The following CORO1B variants were observed in gnomAD, a reference collection of about 807,000 sequenced individuals.
CORO1B encodes coronin 1B.
A neutral mutation model predicts 51.1 loss-of-function variants in CORO1B; 30 were observed. The observed-to-expected ratio is 0.59, with a 90% CI of 0.44 to 0.80. The LOEUF (loss-of-function observed/expected upper bound fraction) is 0.80. Among genes scored for constraint, CORO1B ranks in the 30% least tolerant of loss-of-function variants. The pLI is 0.00. For missense variants in CORO1B, 648 were observed against 700.4 expected (o/e 0.93, Z 0.84); for synonymous variants, 310 against 289.7 (o/e 1.07, Z -0.71).
In CORO1B at chr11:67,438,931, C is replaced by A. The variant is rs778181907; in HGVS notation, c.1084G>T (p.Asp362Tyr). ...VPRKSDLFQD[D>Y]LYPDTAGPEA... The stretch of plus-strand genomic sequence containing the variant: ...GGCCCGGCTGTGTCGGGGTACAGAT[C>A]ATCCTGGAAGAGGTCCGACTGGGCA... The change falls in exon 10 of 11, where the codon GAT (aspartate) becomes TAT (tyrosine). Residue 362 changes from aspartate (D) to tyrosine (Y), a missense_variant. Coordinates refer to ENST00000341356, the MANE Select transcript of CORO1B (RefSeq NM_020441.3). 2 of 1,607,232 alleles carry A rather than the reference C, an allele frequency of 1.2e-6. No homozygotes were observed. The highest frequency in any genetic ancestry group is 2.2e-5 in the South Asian group (2 of 90,538).
chr11:67,435,554 T>C lies in CORO1B; in HGVS notation c.*2822A>G. The C allele has an allele frequency of 1.2e-6, 1 of 863,772 alleles. No homozygotes were observed. Among genetic ancestry groups the C allele is most frequent in the East Asian group, 2.8e-5 (1 of 35,576 alleles). The allele number at this position is 863,772 out of a possible 1,614,324, so 53.5% of individuals were successfully genotyped here. Reference sequence around the variant, plus strand: ...ATTTCAAATGGTTGCCTGATGCCTGTGGTTGGGGGGGGCCGTTCCCGTGGT... The same window carrying C: ...ATTTCAAATGGTTGCCTGATGCCTGCGGTTGGGGGGGGCCGTTCCCGTGGT... On this transcript the variant is annotated 3_prime_UTR_variant, in exon 11 of 11. Coordinates refer to ENST00000341356, the MANE Select transcript of CORO1B (RefSeq NM_020441.3).
chr11:67,440,485 CT>C (rs750815542), intron 6 of CORO1B, 46 bp from the exon 7 acceptor site: 7 of 1,577,680 alleles, frequency 4.4e-6, no homozygotes, highest in Non-Finnish European at 6.1e-6. Context: ...TCCTCACCCC[CT>C]AATCCCAAAC....
Position 67,441,773 on chromosome 11 carries a change from G to A in CORO1B, c.414C>T (p.Ile138=), listed in dbSNP as rs772505324. The A allele has an allele frequency of 3.1e-6, 5 of 1,612,774 alleles. No individual in the cohort carries two copies. The highest frequency in any genetic ancestry group is 4.2e-6 in the Non-Finnish European group (5 of 1,179,854). The change falls in exon 4 of 11, where the codon ATC becomes ATT. Residue 138 remains isoleucine, a synonymous_variant. Transcript: ENST00000341356. ...CGTTTCGGGCCGTGGGGTGCCAGGCGATGATGCCCACTCGCTTGGTGTGCC... is the reference window on the plus strand; with the variant it reads ...CGTTTCGGGCCGTGGGGTGCCAGGCAATGATGCCCACTCGCTTGGTGTGCC... ...LEGHTKRVGI[I]AWHPTARNVL...
upstream of CORO1B, chr11:67,443,616 G>A (rs1004857562): frequency 5.6e-4 from 400 of 716,142 alleles, 1 homozygote; most frequent in Admixed American, 9.4e-4. Context: ...GGCCGCCGGG[G>A]ACGGGGCCAG....
At position 67,437,988 on chromosome 11, in the gene CORO1B, A is replaced by G. The variant is rs902448404; in HGVS notation, c.*388T>C. 23 of 360,298 alleles carry G rather than the reference A, an allele frequency of 6.4e-5. No individual in the cohort carries two copies. Among genetic ancestry groups the G allele is most frequent in the Non-Finnish European group, 9.5e-5 (19 of 200,810 alleles). The allele number at this position is 360,298 out of a possible 1,614,324, so 22.3% of individuals were successfully genotyped here. A position where few individuals can be genotyped will look rare whatever the true frequency, so the allele number is the denominator to read the frequency against. ...TCTGCACATGTGTGACTCCTGTGACATCCTCTGTCTCCAGGTTTCCAGACT... is the reference window on the plus strand; with the variant it reads ...TCTGCACATGTGTGACTCCTGTGACGTCCTCTGTCTCCAGGTTTCCAGACT... On this transcript the variant is annotated 3_prime_UTR_variant, in exon 11 of 11. Transcript: ENST00000341356.
rs373278584 is a variant in CORO1B at position 67,436,339 on chromosome 11, G to A, written c.*2037C>T. On this transcript the variant is annotated 3_prime_UTR_variant, in exon 11 of 11. Coordinates refer to ENST00000341356, the MANE Select transcript of CORO1B (RefSeq NM_020441.3). ...CCAGCAGCATCCCGAGCCCTAAGGTGCAGGGCAGAGCCTGTGGGAGACAGG... is the reference window on the plus strand; with the variant it reads ...CCAGCAGCATCCCGAGCCCTAAGGTACAGGGCAGAGCCTGTGGGAGACAGG... 2.9e-3 allele frequency: 4,276 copies of A among 1,476,548 alleles called. 7 individuals carry two copies. The highest frequency in any genetic ancestry group is 3.5e-3 in the Non-Finnish European group (3,853 of 1,114,952). The allele number at this position is 1,476,548 out of a possible 1,614,324, so 91.5% of individuals were successfully genotyped here.
Position 67,440,396 on chromosome 11 carries a change from C to G in CORO1B, c.800G>C (p.Ser267Thr). The change falls in exon 7 of 11, where the codon AGC becomes ACC. Residue 267 changes from serine (S) to threonine (T), a missense_variant. Coordinates refer to ENST00000341356, the MANE Select transcript of CORO1B (RefSeq NM_020441.3). ...EPMALQELDS[S>T]NGALLPFYDP... ...GTAGAAGGGCAGCAGGGCCCCGTTGCTCGAGTCCAGTTCCTGCAGGGCCAT... is the reference window on the plus strand; with the variant it reads ...GTAGAAGGGCAGCAGGGCCCCGTTGGTCGAGTCCAGTTCCTGCAGGGCCAT... 2.5e-6 allele frequency: 4 copies of G among 1,613,918 alleles called. No homozygotes were observed. Among genetic ancestry groups the G allele is most frequent in the Non-Finnish European group, 2.5e-6 (3 of 1,180,004 alleles).
Position 67,435,784 on chromosome 11 carries a change from A to AT in CORO1B, c.*2591dup. The stretch of plus-strand genomic sequence containing the variant: ...GGCCCCCAGCTGCCCTGGCGCTGTC[A>AT]TCCCAGGCTGCGCTGCCAGCAAAGG... On this transcript the variant is annotated 3_prime_UTR_variant, in exon 11 of 11. Transcript: ENST00000341356. The AT allele has an allele frequency of 5.7e-6, 9 of 1,583,006 alleles. No individual in the cohort carries two copies. The highest frequency in any genetic ancestry group is 7.7e-6 in the Non-Finnish European group (9 of 1,164,794).
rs1864283847 is a variant in CORO1B, at chr11:67,436,505, A to G, written c.*1871T>C. The G allele has an allele frequency of 4.6e-6, 4 of 867,044 alleles. No homozygotes were observed. Among genetic ancestry groups the G allele is most frequent in the Non-Finnish European group, 5.0e-6 (3 of 604,370 alleles). The allele number at this position is 867,044 out of a possible 1,614,324, so 53.7% of individuals were successfully genotyped here. A position where few individuals can be genotyped will look rare whatever the true frequency, so the allele number is the denominator to read the frequency against. On this transcript the variant is annotated 3_prime_UTR_variant, in exon 11 of 11. Transcript: ENST00000341356. ...AGGCCAAGGCCTTATTTGGTCAACC[A>G]GGCTCTGGCCCTGTGAGATCAGCCC... is the stretch of plus-strand genomic sequence containing the variant.
In CORO1B at chr11:67,440,111, C is replaced by G; in HGVS notation, c.1007+7G>C. 1 of 1,607,500 alleles carries G rather than the reference C, an allele frequency of 6.2e-7. No homozygotes were observed. Among genetic ancestry groups the G allele is most frequent in the Non-Finnish European group, 8.5e-7 (1 of 1,176,610 alleles). On this transcript the variant is annotated splice_region_variant and intron_variant, in intron 8 of 10. Transcript: ENST00000341356. ...CTATCCCCGAGTGGCCTCGGTAGCC[C>G]TCTTACCGGGCGATCTCGCACTTGC...
Position 67,438,608 on chromosome 11 carries a change from C to A in CORO1B, c.1344+63G>T. On this transcript the variant is annotated intron_variant, in intron 10 of 10. Transcript: ENST00000341356. ...GAGAGGGACAGCGAATGGCTGAAGC[C>A]CACACAGCAGGCCAGGGCCACACCT... 2.0e-6 allele frequency: 3 copies of A among 1,525,054 alleles called. 1 individual carries two copies. The South Asian group carries it at 3.7e-5, about 19-fold the overall frequency. The allele number at this position is 1,525,054 out of a possible 1,614,324, so 94.5% of individuals were successfully genotyped here. A position where few individuals can be genotyped will look rare whatever the true frequency, so the allele number is the denominator to read the frequency against.
In CORO1B at chr11:67,438,902, C is replaced by T; in HGVS notation, c.1113G>A (p.Glu371=). Residue 371 remains glutamate, a synonymous_variant, in exon 10 of 11, where the codon GAG becomes GAA. Transcript: ENST00000341356. ...CCCACTCCTCAGCCTCCAGGGCTGC[C>T]TCGGGCCCGGCTGTGTCGGGGTACA... ...DDLYPDTAGP[E]AALEAEEWVS... 6.2e-7 allele frequency: 1 copy of T among 1,609,478 alleles called. No homozygotes were observed. The highest frequency in any genetic ancestry group is 8.5e-7 in the Non-Finnish European group (1 of 1,179,050).
At position 67,437,256 on chromosome 11, in the gene CORO1B, A is replaced by T. The variant is rs1864305597; in HGVS notation, c.*1120T>A. On this transcript the variant is annotated 3_prime_UTR_variant, in exon 11 of 11. Coordinates refer to ENST00000341356, the MANE Select transcript of CORO1B (RefSeq NM_020441.3). ...CTGCCAGAGGAAGTCTGCGGTCGGA[A>T]CAGGCTAGGTGGGGGGTGTCGGGGG... The T allele has an allele frequency of 4.4e-6, 1 of 225,464 alleles. No homozygotes were observed. Among genetic ancestry groups the T allele is most frequent in the Admixed American group, 5.7e-5 (1 of 17,440 alleles). 14.0% of individuals were successfully genotyped at this position (225,464 alleles called of 1,614,324 possible). A position where few individuals can be genotyped will look rare whatever the true frequency, so the allele number is the denominator to read the frequency against.
Position 67,436,392 on chromosome 11 carries a change from GGTGGGGCCTGGT to G in CORO1B, c.*1972_*1983del, listed in dbSNP as rs1196241516. On this transcript the variant is annotated 3_prime_UTR_variant, in exon 11 of 11. Coordinates refer to ENST00000341356, the MANE Select transcript of CORO1B (RefSeq NM_020441.3). ...GGGGCTCAGAGGGCTCAGCACCTGG[GGTGGGGCCTGGT>G]GTGGGGCAGGCTGGGTGACCAAGAC... 5 of 1,426,008 alleles carry G rather than the reference GGTGGGGCCTGGT, an allele frequency of 3.5e-6. No individual in the cohort carries two copies. Among genetic ancestry groups the G allele is most frequent in the Admixed American group, 6.0e-5 (2 of 33,452 alleles). 88.3% of individuals were successfully genotyped at this position (1,426,008 alleles called of 1,614,324 possible).
At position 67,441,397 on chromosome 11, in the gene CORO1B, A is replaced by C; in HGVS notation, c.572T>G (p.Phe191Cys). Reference protein sequence around the residue: ...NVSWNHNGSLFCSACKDKSVR... With the variant: ...NVSWNHNGSLCCSACKDKSVR... ...GCTCTTGTCCTTGCATGCTGAGCAA[A>C]ACAGGCTGCCATTGTGGTTCCAGCT... Residue 191 changes from phenylalanine to cysteine, a missense_variant, in exon 5 of 11, where the codon TTT becomes TGT. By Grantham distance (205) the Phe-to-Cys change is radical. Transcript: ENST00000341356. The C allele has an allele frequency of 6.2e-7, 1 of 1,613,852 alleles. No individual in the cohort carries two copies. Among genetic ancestry groups the C allele is most frequent in the Non-Finnish European group, 8.5e-7 (1 of 1,180,020 alleles).
At position 67,440,320 on chromosome 11, in the gene CORO1B, C is replaced by A; in HGVS notation, c.861+15G>T. On this transcript the variant is annotated intron_variant, in intron 7 of 10. Coordinates refer to ENST00000341356, the MANE Select transcript of CORO1B (RefSeq NM_020441.3). ...CGCCTCTTCCCTGCCCCTCGCCAGC[C>A]CTGCCCAGCCCCACCTTGCCGCAGA... is the stretch of plus-strand genomic sequence containing the variant. 6.2e-7 allele frequency: 1 copy of A among 1,613,258 alleles called. No individual in the cohort carries two copies. Among genetic ancestry groups the A allele is most frequent in the Non-Finnish European group, 8.5e-7 (1 of 1,179,620 alleles).
At position 67,435,987 on chromosome 11, in the gene CORO1B, G is replaced by A. The variant is rs1240624289; in HGVS notation, c.*2389C>T. ...TCGCCTTCCCCAGGGTCAGCCTGCA[G>A]GCCACCATCCGCGACGTGGTCATAG... On this transcript the variant is annotated 3_prime_UTR_variant, in exon 11 of 11. Transcript: ENST00000341356. 6.2e-7 allele frequency: 1 copy of A among 1,613,752 alleles called. No homozygotes were observed. The highest frequency in any genetic ancestry group is 1.1e-5 in the South Asian group (1 of 91,090).
intron 6 of CORO1B, chr11:67,440,852 G>A (rs1230022692): frequency 3.0e-6 from 2 of 661,696 alleles, no homozygotes; most frequent in Non-Finnish European, 2.7e-6. Context: ...CAGGCAGTGG[G>A]TGGTACAGGC....
rs1234906119 is a variant in CORO1B, at chr11:67,440,404, C to T, written c.792G>A (p.Leu264=). 4 of 1,613,916 alleles carry T rather than the reference C, an allele frequency of 2.5e-6. No individual in the cohort carries two copies. In the South Asian group the frequency reaches 3.3e-5, roughly 13 times the overall value. Residue 264 remains leucine, a synonymous_variant, in exon 7 of 11, where the codon CTG becomes CTA. Coordinates refer to ENST00000341356, the MANE Select transcript of CORO1B (RefSeq NM_020441.3). ...GCAGCAGGGCCCCGTTGCTCGAGTC[C>T]AGTTCCTGCAGGGCCATGGGTTCCT... ...NLEEPMALQE[L]DSSNGALLPF...
Sources: gnomAD v4.1 joint callset for allele counts on GRCh38, gnomAD v4.1.1 for gene constraint, MANE v1.5 for transcripts, NCBI Gene and HGNC (gene_info 2026-07-23, HGNC 2026-07-21) for gene names.